MTHFD2L: variants seen among roughly 807,000 people sequenced by gnomAD.
The protein encoded by MTHFD2L is methylenetetrahydrofolate dehydrogenase (NADP+ dependent) 2 like, also known as bifunctional methylenetetrahydrofolate dehydrogenase/cyclohydrolase 2, mitochondrial.
A neutral mutation model predicts 34.9 loss-of-function variants in MTHFD2L; 29 were observed. That is an observed-to-expected ratio of 0.83 (90% CI 0.62 to 1.13). MTHFD2L has a LOEUF of 1.13. MTHFD2L is among the 50% of genes most tolerant of loss of function. MTHFD2L has a pLI of 0.00. For synonymous variants in MTHFD2L, 167 were observed against 155.7 expected (o/e 1.07, Z -0.54); for missense variants, 481 against 446.5 (o/e 1.08, Z -0.70).
intron 1 of MTHFD2L, among the ~76,000 whole-genome samples, chr4:74,169,883 C>T (rs1227119192): frequency 6.6e-6 from 1 of 152,116 alleles, no homozygotes; most frequent in African/African-American, 2.4e-5. Context: ...CTTATAATTA[C>T]ATACAAAGTA....
At chr4:74,273,894 A>G (rs1746300347) in intron 6 of MTHFD2L, among the ~76,000 whole-genome samples, 1 of 152,202 alleles carries the variant, frequency 6.6e-6, no homozygotes, top group African/African-American at 2.4e-5. Flanking sequence ...AGATTTCACG[A>G]GACAGACTGG....
chr4:74,120,839 A>T (rs1346557729), upstream of MTHFD2L, among the ~76,000 whole-genome samples: 1 of 152,208 alleles, frequency 6.6e-6, no homozygotes, highest in Non-Finnish European at 1.5e-5. Context: ...GACTTCTTTT[A>T]GAAAAACAGA....
chr4:74,191,627 T>G (rs1032859100), intron 3 of MTHFD2L, among the ~76,000 whole-genome samples: 1 of 152,174 alleles, frequency 6.6e-6, no homozygotes, highest in African/African-American at 2.4e-5. Context: ...CTCAGCTCAC[T>G]GCAACCTTCG....
chr4:74,182,641 C>A (rs1013188914), intron 3 of MTHFD2L: 1 of 152,134 alleles, frequency 6.6e-6, no homozygotes, highest in African/African-American at 2.4e-5. Context: ...TATTTGGAAC[C>A]TCCTTTTTTT....
chr4:74,195,558 C>T (rs1411939992), intron 3 of MTHFD2L: 2 of 152,176 alleles, frequency 1.3e-5, no homozygotes, highest in Non-Finnish European at 2.9e-5. Context: ...TTTAAGATGA[C>T]TCCAGGTTTT....
chr4:74,194,861 T>A (rs1338609796), intron 3 of MTHFD2L: 1 of 152,022 alleles, frequency 6.6e-6, no homozygotes, highest in Non-Finnish European at 1.5e-5. Flanking sequence ...TTTTTTTGTC[T>A]ACAAATCTTC....
chr4:74,200,446 T>C (rs1301953308), intron 4 of MTHFD2L, among the ~76,000 whole-genome samples: 1 of 152,236 alleles, frequency 6.6e-6, no homozygotes, highest in African/African-American at 2.4e-5. Context: ...TAGTGGTATA[T>C]GTCGGCCTTT....
At position 74,244,885 on chromosome 4, in the gene MTHFD2L, CAGA is replaced by C. The variant is rs1411480050; in HGVS notation, c.805+19498_805+19500del. On this transcript the variant is annotated intron_variant, in intron 6 of 7. Coordinates refer to ENST00000325278, the MANE Select transcript of MTHFD2L (RefSeq NM_001144978.3). ...CTACATATGCATATGAAGCTGAATA[CAGA>C]AGAAGATTTAAGAATCTAGTTGTTG... 3.3e-5 allele frequency among the ~76,000 whole-genome samples: 5 copies of C among 152,154 alleles called. No homozygotes were observed. In the South Asian group the frequency reaches 8.3e-4, roughly 25 times the overall value.
intron 7 of MTHFD2L, chr4:74,293,438 A>G: frequency 4.0e-6 from 3 of 759,046 alleles, no homozygotes; most frequent in Non-Finnish European, 4.8e-6. Flanking sequence ...AAGTAAATAC[A>G]TTTCTACCAC....
chr4:74,192,953 A>T (rs1325100830), intron 3 of MTHFD2L, among the ~76,000 whole-genome samples: 3 of 151,796 alleles, frequency 2.0e-5, no homozygotes, highest in African/African-American at 7.3e-5. Flanking sequence ...ATTTTTCTTA[A>T]GTTTAATTGG....
At chr4:74,287,600 C>T (rs1748346416) in intron 7 of MTHFD2L, among the ~76,000 whole-genome samples, 2 of 151,922 alleles carry the variant, frequency 1.3e-5, no homozygotes, top group Admixed American at 1.3e-4. Context: ...TACAAAAATT[C>T]GCTAGGTGTG....
rs1467902859 is a variant in MTHFD2L, at chr4:74,302,204, G to T, written c.*395G>T. The T allele has an allele frequency of 6.5e-6, 1 of 153,990 alleles. No homozygotes were observed. Among genetic ancestry groups the T allele is most frequent in the African/African-American group, 2.4e-5 (1 of 41,494 alleles). The allele number at this position is 153,990 out of a possible 1,614,324, so 9.5% of individuals were successfully genotyped here. ...AAATGTAATTTAGGTTTTGCTACTT[G>T]CATGCTAACATTTTTAATGTATTTT... On this transcript the variant is annotated 3_prime_UTR_variant, in exon 8 of 8. Coordinates refer to ENST00000325278, the MANE Select transcript of MTHFD2L (RefSeq NM_001144978.3).
chr4:74,264,148 A>G (rs1251990618), intron 6 of MTHFD2L, among the ~76,000 whole-genome samples: 1 of 152,014 alleles, frequency 6.6e-6, no homozygotes, highest in East Asian at 1.9e-4. Flanking sequence ...CAGGAATAAA[A>G]CAAAGATTTT....
intron 1 of MTHFD2L, among the ~76,000 whole-genome samples, chr4:74,151,450 A>G (rs1364120753): frequency 2.0e-5 from 3 of 152,212 alleles, no homozygotes; most frequent in Non-Finnish European, 2.9e-5. Flanking sequence ...CCTTAGATTT[A>G]GAAAAGCACT....
intron 6 of MTHFD2L, among the ~76,000 whole-genome samples, chr4:74,227,794 A>G (rs1428217081): frequency 1.3e-5 from 2 of 152,174 alleles, no homozygotes; most frequent in African/African-American, 4.8e-5. Context: ...CTTTAAAAAC[A>G]TATCAGACCT....
At chr4:74,226,580 T>TG (rs2110126152) in intron 6 of MTHFD2L, among the ~76,000 whole-genome samples, 1 of 152,328 alleles carries the variant, frequency 6.6e-6, no homozygotes, top group East Asian at 1.9e-4. Context: ...GGCTGGAATA[T>TG]GGGGCTTGTG....
At chr4:74,218,153 G>A (rs1330633027) in intron 5 of MTHFD2L, among the ~76,000 whole-genome samples, 1 of 151,706 alleles carries the variant, frequency 6.6e-6, no homozygotes, top group Non-Finnish European at 1.5e-5. Flanking sequence ...TTTTAGTCAT[G>A]ATTTTTAGTT....
chr4:74,180,686 G>T (rs1429400537), intron 3 of MTHFD2L: 1 of 454,774 alleles, frequency 2.2e-6, no homozygotes. Context: ...TTTATGTTCA[G>T]AAGCTGTGCA....
chr4:74,254,688 A>G (rs1199558712), intron 6 of MTHFD2L, among the ~76,000 whole-genome samples: 2 of 152,198 alleles, frequency 1.3e-5, no homozygotes, highest in African/African-American at 2.4e-5. Flanking sequence ...TACTAAGAAC[A>G]TAAAAACAGG....
Sources: allele counts gnomAD v4.1 joint callset (sites outside exome capture counted in the v4.1 genomes callset), GRCh38; gene constraint gnomAD v4.1.1; transcripts MANE v1.5; gene names NCBI Gene and HGNC (gene_info 2026-07-23, HGNC 2026-07-21).